Variants in RRAGD observed in about 807,000 individuals in gnomAD.
RRAGD encodes Ras related GTP binding D, also known as ras-related GTP-binding protein D.
In RRAGD, 12 loss-of-function variants were observed where a neutral mutation model predicts 35.5. The observed-to-expected ratio is 0.34, with a 90% CI of 0.22 to 0.55. The LOEUF (loss-of-function observed/expected upper bound fraction) is 0.55. RRAGD is among the 20% of genes least tolerant of loss of function. RRAGD has a pLI of 0.91. For synonymous variants in RRAGD, 155 were observed against 178.9 expected (o/e 0.87, Z 1.07); for missense variants, 324 against 490.1 (o/e 0.66, Z 3.20).
rs1323008247 is a variant in RRAGD, at chr6:89,411,780, G to A, written c.148+66C>T. The A allele has an allele frequency of 6.7e-7, 1 of 1,484,022 alleles. No individual in the cohort carries two copies. Among genetic ancestry groups the A allele is most frequent in the Non-Finnish European group, 9.0e-7 (1 of 1,112,672 alleles). 91.9% of individuals were successfully genotyped at this position (1,484,022 alleles called of 1,614,324 possible). A position where few individuals can be genotyped will look rare whatever the true frequency, so the allele number is the denominator to read the frequency against. ...TCGGTGGCTCGCGCACGGCCGGGCT[G>A]GGGGCGGGAAGGCGCCAAGGGGAGG... is the stretch of plus-strand genomic sequence containing the variant. On this transcript the variant is annotated intron_variant, in intron 1 of 6. Coordinates refer to ENST00000369415, the MANE Select transcript of RRAGD (RefSeq NM_021244.5). This position sits in a 1 kb window ranked among gnomAD's most constrained non-coding sequence, Gnocchi z 5.6.
At chr6:89,396,601 T>C (rs1769336232) in intron 1 of RRAGD, among the ~76,000 whole-genome samples, 1 of 151,954 alleles carries the variant, frequency 6.6e-6, no homozygotes, top group African/African-American at 2.4e-5. Flanking sequence ...TAATTTTTTG[T>C]AGAGATGGGG....
At position 89,388,432 on chromosome 6, in the gene RRAGD, C is replaced by T. The variant is rs368386636; in HGVS notation, c.149-842G>A. On this transcript the variant is annotated intron_variant, in intron 1 of 6. Coordinates refer to ENST00000369415, the MANE Select transcript of RRAGD (RefSeq NM_021244.5). ...ATGGATGGTGGTGAGGGGCGCATAA[C>T]AGTCACATTGTTATGTGGCCCTCAC... 1.2e-4 allele frequency among the ~76,000 whole-genome samples: 19 copies of T among 152,162 alleles called. No individual in the cohort carries two copies. The East Asian group carries it at 2.1e-3, about 17-fold the overall frequency.
chr6:89,377,806 C>A lies in RRAGD; in HGVS notation c.767G>T (p.Gly256Val), dbSNP rs1196697665. ...ATCAAATAGAAATGCCTTTTCAATT[C>A]CAGAATTCTGAAATTTAAAAAAAAA... ...NLLNIFISNS[G>V]IEKAFLFDVV... is the part of the protein sequence containing the mutation. Residue 256 changes from glycine (G) to valine (V), a missense_variant, in exon 5 of 7, where the codon GGA becomes GTA. Around this residue, in one of 5 missense-constraint regions of RRAGD, gnomAD observed 152 missense variants for 296.9 expected, o/e 0.51. Transcript: ENST00000369415. 1 of 1,594,030 alleles carries A rather than the reference C, an allele frequency of 6.3e-7. No homozygotes were observed. Among genetic ancestry groups the A allele is most frequent in the East Asian group, 2.2e-5 (1 of 44,586 alleles).
intron 1 of RRAGD, among the ~76,000 whole-genome samples, chr6:89,391,095 G>A (rs1769224294): frequency 6.6e-6 from 1 of 151,982 alleles, no homozygotes; most frequent in South Asian, 2.1e-4. Context: ...GCGGTACAAT[G>A]GAATACAGGC....
chr6:89,372,899 A>C (rs560849752), intron 5 of RRAGD, among the ~76,000 whole-genome samples: 1 of 152,262 alleles, frequency 6.6e-6, no homozygotes, highest in Non-Finnish European at 1.5e-5. Flanking sequence ...TTTCTCACCT[A>C]GAATAGCCAG....
intron 1 of RRAGD, among the ~76,000 whole-genome samples, chr6:89,397,417 A>C (rs1016333534): frequency 1.3e-5 from 2 of 152,210 alleles, no homozygotes; most frequent in African/African-American, 2.4e-5. Flanking sequence ...TTTTGTCCAT[A>C]TAATAACGTG....
chr6:89,374,098 G>A (rs1768895318), intron 5 of RRAGD, among the ~76,000 whole-genome samples: 1 of 152,136 alleles, frequency 6.6e-6, no homozygotes, highest in Non-Finnish European at 1.5e-5. Flanking sequence ...CACATTCACT[G>A]AGAACTAGCA....
At chr6:89,369,855 C>T (rs764350303) in intron 6 of RRAGD, among the ~76,000 whole-genome samples, 5 of 152,120 alleles carry the variant, frequency 3.3e-5, no homozygotes, top group Non-Finnish European at 2.9e-5. Context: ...GCTATTTCAA[C>T]CCTCATGAAA....
At position 89,412,234 on chromosome 6, in the gene RRAGD, C is replaced by G; in HGVS notation, c.-241G>C. On this transcript the variant is annotated 5_prime_UTR_variant, in exon 1 of 7. Coordinates refer to ENST00000369415, the MANE Select transcript of RRAGD (RefSeq NM_021244.5). The surrounding 1 kb of genome is among the most constrained non-coding windows in gnomAD (Gnocchi z 4.2). ...CCGCCGGCGGAGGAGTCAGCCGGAG[C>G]GCGGCAGTTCCTCCCGGAGGAGGGA... The G allele has an allele frequency of 3.7e-6, 1 of 270,976 alleles. No homozygotes were observed. Among genetic ancestry groups the G allele is most frequent in the Non-Finnish European group, 6.7e-6 (1 of 148,654 alleles). The allele number at this position is 270,976 out of a possible 1,614,324, so 16.8% of individuals were successfully genotyped here.
intron 6 of RRAGD, 79 bp from the exon 7 acceptor site, chr6:89,368,286 A>T: frequency 7.4e-7 from 1 of 1,352,988 alleles, no homozygotes; most frequent in Non-Finnish European, 1.0e-6. Context: ...TGGCCAGGAC[A>T]AGCCAGTAGG....
intron 1 of RRAGD, among the ~76,000 whole-genome samples, chr6:89,391,059 T>C (rs1318268179): frequency 6.6e-6 from 1 of 151,888 alleles, no homozygotes; most frequent in Non-Finnish European, 1.5e-5. Flanking sequence ...CCAACACCCA[T>C]CAACTCATGA....
At chr6:89,404,959 T>C (rs12664966) in intron 1 of RRAGD, among the ~76,000 whole-genome samples, 24,713 of 152,068 alleles carry the variant, frequency 0.16, 2,291 homozygotes, top group Non-Finnish European at 0.21. Flanking sequence ...ACTTCAGAAA[T>C]TCTATTGAGA....
intron 5 of RRAGD, among the ~76,000 whole-genome samples, chr6:89,374,138 C>T (rs1177768276): frequency 3.3e-5 from 5 of 152,140 alleles, no homozygotes; most frequent in African/African-American, 1.2e-4. Context: ...TGATATTAAC[C>T]ATTCTTAGTT....
At chr6:89,381,537 TCTCA>T (rs1769043394) in intron 2 of RRAGD, among the ~76,000 whole-genome samples, 1 of 152,238 alleles carries the variant, frequency 6.6e-6, no homozygotes, top group South Asian at 2.1e-4. Context: ...TAGTATTTAT[TCTCA>T]CTCATGTATA....
Position 89,368,128 on chromosome 6 carries a change from A to G in RRAGD, c.1131T>C (p.Ser377=), listed in dbSNP as rs529044261. ...VFEVRMKVVK[S]RKVQNRLQKK... ...TCTGCAGCCGATTCTGAACCTTTCG[A>G]GATTTTACTACTTTCATTCTCACCT... The change falls in exon 7 of 7, where the codon TCT becomes TCC. Residue 377 remains serine, a synonymous_variant. Coordinates refer to ENST00000369415, the MANE Select transcript of RRAGD (RefSeq NM_021244.5). 29 of 1,613,976 alleles carry G rather than the reference A, an allele frequency of 1.8e-5. 1 individual carries two copies. In the South Asian group the frequency reaches 3.0e-4, roughly 17 times the overall value.
intron 5 of RRAGD, among the ~76,000 whole-genome samples, chr6:89,375,389 CAA>C (rs1341782296): frequency 1.3e-5 from 2 of 152,172 alleles, no homozygotes; most frequent in Non-Finnish European, 2.9e-5. Flanking sequence ...TTTTACTACT[CAA>C]GTTTTTCATC....
At chr6:89,391,934 G>A (rs1333894994) in intron 1 of RRAGD, among the ~76,000 whole-genome samples, 1 of 132,948 alleles carries the variant, frequency 7.5e-6, no homozygotes. Flanking sequence ...TCTAGCCTGG[G>A]TGACAAAGTG....
At position 89,391,312 on chromosome 6, in the gene RRAGD, T is replaced by C. The variant is rs539213730; in HGVS notation, c.149-3722A>G. Among the ~76,000 whole-genome samples the C allele has an allele frequency of 2.0e-5, 3 of 150,794 alleles. No homozygotes were observed. In the East Asian group the frequency reaches 5.9e-4, roughly 30 times the overall value. On this transcript the variant is annotated intron_variant, in intron 1 of 6. Transcript: ENST00000369415. ...AGGTGGAAGGATCCCTTGAGCCCAGTGGCTCGAGGCTGCAGTGAGCCACAA... is the reference window on the plus strand; with the variant it reads ...AGGTGGAAGGATCCCTTGAGCCCAGCGGCTCGAGGCTGCAGTGAGCCACAA...
intron 1 of RRAGD, among the ~76,000 whole-genome samples, chr6:89,407,325 A>T (rs1769600712): frequency 6.6e-6 from 1 of 152,160 alleles, no homozygotes; most frequent in Non-Finnish European, 1.5e-5. Flanking sequence ...ATACCAAAAG[A>T]ATAAAGGAGG....
Sources: allele counts gnomAD v4.1 joint callset (sites outside exome capture counted in the v4.1 genomes callset), GRCh38; gene constraint gnomAD v4.1.1; regional missense constraint gnomAD v4.1.1; non-coding constraint Gnocchi (gnomAD v3.1); transcripts MANE v1.5; gene names NCBI Gene and HGNC (gene_info 2026-07-23, HGNC 2026-07-21).